SSH2: variants seen among roughly 807,000 people sequenced by gnomAD.
The protein encoded by SSH2 is slingshot protein phosphatase 2.
SSH2 carries 37 observed loss-of-function variants against 135.2 expected under a neutral mutation model. The observed-to-expected ratio is 0.27, with a 90% CI of 0.21 to 0.36. SSH2 has a LOEUF of 0.36. SSH2 is among the 10% of genes least tolerant of loss of function. The pLI, the probability that SSH2 is intolerant of heterozygous loss-of-function variation, is 1.00. For synonymous variants in SSH2, 628 were observed against 646.2 expected, an observed-to-expected ratio of 0.97 and a Z score of 0.43; for missense variants, 1,408 against 1,765.3, an observed-to-expected ratio of 0.80 and a Z score of 3.63.
At chr17:29,887,124 C>T (rs923485872) in intron 1 of SSH2, among the ~76,000 whole-genome samples, 4 of 152,136 alleles carry the variant, frequency 2.6e-5, no homozygotes, top group Admixed American at 2.0e-4. Flanking sequence ...GCTTATACTA[C>T]TTTGGGGCCA....
chr17:29,899,413 T>C (rs902319205), intron 1 of SSH2, among the ~76,000 whole-genome samples: 18 of 152,182 alleles, frequency 1.2e-4, no homozygotes, highest in Non-Finnish European at 2.2e-4. Flanking sequence ...CTTAAGCTGA[T>C]AGGCAACTTC....
At chr17:29,727,714 AG>A (rs2040049133) in intron 3 of SSH2, among the ~76,000 whole-genome samples, 2 of 152,224 alleles carry the variant, frequency 1.3e-5, no homozygotes, top group Admixed American at 6.5e-5. Context: ...ACCCACAGCT[AG>A]TAAGTCACTG....
At chr17:29,918,868 C>T (rs1025589807) in intron 1 of SSH2, among the ~76,000 whole-genome samples, 3 of 151,854 alleles carry the variant, frequency 2.0e-5, no homozygotes, top group Non-Finnish European at 4.4e-5. Flanking sequence ...ACCCGGGAGG[C>T]GGAGGTTGCA....
intron 3 of SSH2, among the ~76,000 whole-genome samples, chr17:29,790,785 G>A (rs919048147): frequency 1.3e-5 from 2 of 150,346 alleles, no homozygotes; most frequent in African/African-American, 4.9e-5. Flanking sequence ...CTGGATTGCA[G>A]TGGCGCAATC....
At chr17:29,823,183 G>A (rs1261027326) in intron 2 of SSH2, among the ~76,000 whole-genome samples, 1 of 152,108 alleles carries the variant, frequency 6.6e-6, no homozygotes, top group Admixed American at 6.5e-5. Context: ...GCTTTAATCA[G>A]AGATGTCTTT....
chr17:29,686,957 G>A (rs1329234142), intron 5 of SSH2, among the ~76,000 whole-genome samples: 2 of 152,198 alleles, frequency 1.3e-5, no homozygotes, highest in East Asian at 1.9e-4. Context: ...TTACAGGCGT[G>A]AGCCACCCAC....
chr17:29,826,718 C>G (rs950772742), intron 2 of SSH2, among the ~76,000 whole-genome samples: 2 of 152,110 alleles, frequency 1.3e-5, no homozygotes, highest in Non-Finnish European at 2.9e-5. Flanking sequence ...TTTTTACCTC[C>G]AGAGAGACCT....
chr17:29,736,573 G>A (rs2151197070), intron 3 of SSH2, among the ~76,000 whole-genome samples: 1 of 152,132 alleles, frequency 6.6e-6, no homozygotes, highest in South Asian at 2.1e-4. Context: ...GGATCACAAG[G>A]TCAGGAGATC....
chr17:29,866,036 G>T (rs1478516880), intron 1 of SSH2: 1 of 151,492 alleles, frequency 6.6e-6, no homozygotes, highest in Admixed American at 6.6e-5. Flanking sequence ...CCAGGAGGCG[G>T]AGGCTTCAGT....
chr17:29,632,166 C>T lies in SSH2; in HGVS notation c.3028G>A (p.Val1010Ile). 6.2e-7 allele frequency: 1 copy of T among 1,614,040 alleles called. No individual in the cohort carries two copies. The highest frequency in any genetic ancestry group is 8.5e-7 in the Non-Finnish European group (1 of 1,180,000). ...GSDTGTQQEG[V>I]LKDLRTVIPY... The stretch of plus-strand genomic sequence containing the variant: ...ATCACAGTCCTCAGATCCTTCAGGA[C>T]TCCTTCCTGCTGTGTTCCAGTATCT... Residue 1010 changes from valine to isoleucine, a missense_variant, in exon 16 of 16, where the codon GTC becomes ATC. Physicochemically the swap from Val to Ile is conservative, Grantham distance 29. This residue lies in a region of SSH2 where 1,080 missense variants were observed against 1,144.5 expected (regional missense o/e 0.94). Transcript: ENST00000540801.
At chr17:29,667,953 C>A (rs543073674) in intron 9 of SSH2, among the ~76,000 whole-genome samples, 62 of 152,172 alleles carry the variant, frequency 4.1e-4, no homozygotes, top group Non-Finnish European at 6.9e-4. Flanking sequence ...GTAGCTGACT[C>A]TCCAATTATT....
intron 2 of SSH2, among the ~76,000 whole-genome samples, chr17:29,803,937 C>T (rs951302713): frequency 1.3e-5 from 2 of 152,102 alleles, no homozygotes; most frequent in African/African-American, 4.8e-5. Flanking sequence ...ACAGTATGGT[C>T]CAGGACCAGA....
At chr17:29,756,579 AT>A (rs1272952430) in intron 3 of SSH2, among the ~76,000 whole-genome samples, 2 of 150,482 alleles carry the variant, frequency 1.3e-5, no homozygotes, top group South Asian at 4.2e-4. Flanking sequence ...AAGTGCTGGG[AT>A]TACAAGTGTG....
intron 1 of SSH2, among the ~76,000 whole-genome samples, chr17:29,897,955 G>A (rs987411302): frequency 1.3e-5 from 2 of 152,044 alleles, no homozygotes; most frequent in Non-Finnish European, 2.9e-5. Flanking sequence ...AATCAACCTG[G>A]AACTCGGGAT....
At chr17:29,700,055 G>A (rs898799612) in intron 4 of SSH2, among the ~76,000 whole-genome samples, 1 of 152,270 alleles carries the variant, frequency 6.6e-6, no homozygotes, top group African/African-American at 2.4e-5. Flanking sequence ...AAGTAGTAGG[G>A]CAGCCACTAA....
At chr17:29,841,892 A>ATT (rs770836134) in intron 2 of SSH2, among the ~76,000 whole-genome samples, 35,914 of 99,576 alleles carry the variant, frequency 0.36, 7,157 homozygotes, top group East Asian at 0.6. Flanking sequence ...CCCTTGGCTA[A>ATT]TTTTTTTTTT....
intron 11 of SSH2, among the ~76,000 whole-genome samples, chr17:29,660,677 G>A (rs1332212664): frequency 1.3e-5 from 2 of 151,984 alleles, no homozygotes; most frequent in Admixed American, 6.6e-5. Context: ...ATATTAAAAT[G>A]GAAAACCCCT....
intron 1 of SSH2, among the ~76,000 whole-genome samples, chr17:29,906,454 C>T (rs1398498427): frequency 6.6e-6 from 1 of 152,040 alleles, no homozygotes; most frequent in Non-Finnish European, 1.5e-5. Flanking sequence ...TAGGCATGGA[C>T]AAAGATTTCA....
intron 2 of SSH2, among the ~76,000 whole-genome samples, chr17:29,836,487 T>A (rs1030895590): frequency 2.6e-5 from 4 of 152,174 alleles, no homozygotes; most frequent in Non-Finnish European, 4.4e-5. Flanking sequence ...AATTGTGGAA[T>A]AAATAAGCTC....
Sources: allele counts gnomAD v4.1 joint callset (sites outside exome capture counted in the v4.1 genomes callset), GRCh38; gene constraint gnomAD v4.1.1; regional missense constraint gnomAD v4.1.1; transcripts MANE v1.5; gene names NCBI Gene and HGNC (gene_info 2026-07-23, HGNC 2026-07-21).